CLYBL: variants seen among roughly 807,000 people sequenced by gnomAD.
The protein encoded by CLYBL is citramalyl-CoA lyase.
A neutral mutation model predicts 38.9 loss-of-function variants in CLYBL; 31 were observed. The ratio of observed to expected loss-of-function variants is 0.80; its 90% CI spans 0.60 to 1.08. The LOEUF (loss-of-function observed/expected upper bound fraction) is 1.08. CLYBL is among the 50% of genes least tolerant of loss of function. CLYBL has a pLI of 0.00. For synonymous variants in CLYBL, 171 were observed against 158.6 expected, an observed-to-expected ratio of 1.08 and a Z score of -0.59; for missense variants, 434 against 411.6, an observed-to-expected ratio of 1.05 and a Z score of -0.47.
intron 1 of CLYBL, among the ~76,000 whole-genome samples, chr13:99,629,795 TCC>T (rs1385149157): frequency 6.6e-6 from 1 of 152,192 alleles, no homozygotes. Flanking sequence ...GTCCCTGGGC[TCC>T]TATTGCTCAG....
At chr13:99,622,551 A>T (rs2046813338) in intron 1 of CLYBL, among the ~76,000 whole-genome samples, 1 of 152,186 alleles carries the variant, frequency 6.6e-6, no homozygotes, top group Non-Finnish European at 1.5e-5. Flanking sequence ...GTTTACATGT[A>T]TGGGTGCCCC....
intron 1 of CLYBL, among the ~76,000 whole-genome samples, chr13:99,698,640 A>G (rs773083286): frequency 3.9e-5 from 6 of 152,164 alleles, no homozygotes; most frequent in Non-Finnish European, 7.3e-5. Context: ...TTTTGCTAAC[A>G]TTTTAATCCT....
intron 3 of CLYBL, among the ~76,000 whole-genome samples, chr13:99,860,042 G>A (rs544872434): frequency 1.3e-5 from 2 of 152,090 alleles, no homozygotes; most frequent in African/African-American, 2.4e-5. Context: ...GAATGCACCC[G>A]ATGTGTGAGG....
intron 1 of CLYBL, among the ~76,000 whole-genome samples, chr13:99,727,856 T>A (rs2048506446): frequency 6.6e-6 from 1 of 152,088 alleles, no homozygotes. Flanking sequence ...GGTGGGCGGA[T>A]CACTTGAGGC....
intron 1 of CLYBL, among the ~76,000 whole-genome samples, chr13:99,658,074 A>G (rs1178669520): frequency 6.6e-6 from 1 of 152,186 alleles, no homozygotes; most frequent in African/African-American, 2.4e-5. Context: ...TCTCGGCTGC[A>G]GCAGTGGGGC....
chr13:99,835,774 C>A (rs766808396), intron 2 of CLYBL, among the ~76,000 whole-genome samples: 12 of 152,138 alleles, frequency 7.9e-5, no homozygotes, highest in Non-Finnish European at 1.3e-4. Flanking sequence ...CCTTTTTCCC[C>A]CAGCAAGCCA....
At chr13:99,866,025 A>G (rs1452436115) in intron 5 of CLYBL, among the ~76,000 whole-genome samples, 1 of 152,218 alleles carries the variant, frequency 6.6e-6, no homozygotes, top group African/African-American at 2.4e-5. Flanking sequence ...AAGTAATTCT[A>G]TTGAAAGATG....
At chr13:99,679,275 C>G (rs1372772169) in intron 1 of CLYBL, among the ~76,000 whole-genome samples, 1 of 131,946 alleles carries the variant, frequency 7.6e-6, no homozygotes, top group African/African-American at 2.9e-5. Context: ...GCCTGGGCGA[C>G]AGAGCGAGAC....
chr13:99,745,321 A>T (rs1254525527), intron 1 of CLYBL, among the ~76,000 whole-genome samples: 1 of 152,196 alleles, frequency 6.6e-6, no homozygotes, highest in Admixed American at 6.5e-5. Context: ...TTACTCTCTG[A>T]ATTTGACCAG....
At chr13:99,805,258 A>C (rs1353502367) in intron 2 of CLYBL, among the ~76,000 whole-genome samples, 1 of 152,130 alleles carries the variant, frequency 6.6e-6, no homozygotes, top group Non-Finnish European at 1.5e-5. Context: ...CCCTGCTTTA[A>C]TTCTTTTGGG....
rs1474926263 is a variant in CLYBL, at chr13:99,869,171, AAAATTAGCCTCATTGCCC to A, written c.803-1762_803-1745del. Among the ~76,000 whole-genome samples, 2 of 152,206 alleles carry A rather than the reference AAAATTAGCCTCATTGCCC, an allele frequency of 1.3e-5. No homozygotes were observed. The highest frequency in any genetic ancestry group is 2.9e-5 in the Non-Finnish European group (2 of 68,010). On this transcript the variant is annotated intron_variant, in intron 6 of 8. Transcript: ENST00000339105. This position sits in a 1 kb window ranked among gnomAD's most constrained non-coding sequence, Gnocchi z 4.3. The stretch of plus-strand genomic sequence containing the variant: ...ATTTCTAAAACCTAACATGTATCTT[AAAATTAGCCTCATTGCCC>A]AAATATAGGTACTGGAGGATGGAGA...
chr13:99,607,961 C>G (rs569562328), intron 1 of CLYBL, among the ~76,000 whole-genome samples: 36 of 151,656 alleles, frequency 2.4e-4, no homozygotes, highest in African/African-American at 8.5e-4. Context: ...CCAGGCTGTT[C>G]TCGAACTCCT....
At chr13:99,827,991 C>T (rs550030449) in intron 2 of CLYBL, among the ~76,000 whole-genome samples, 35 of 152,294 alleles carry the variant, frequency 2.3e-4, no homozygotes, top group African/African-American at 3.1e-4. Context: ...CAGAGATTTT[C>T]GTTTCATTTG....
chr13:99,711,283 C>T (rs1446272244), intron 1 of CLYBL, among the ~76,000 whole-genome samples: 1 of 152,030 alleles, frequency 6.6e-6, no homozygotes, highest in Non-Finnish European at 1.5e-5. Flanking sequence ...ACTTGGAGGT[C>T]CAAGATCAGG....
rs1375690112 is a variant in CLYBL at position 99,645,694 on chromosome 13, A to G, written c.62+38937A>G. On this transcript the variant is annotated intron_variant, in intron 1 of 8. Transcript: ENST00000339105. ...TAGATTATTAAATTTTTTTTTTCCTATTGAGTTGTTTGAGCTTCTTATATA... is the reference window on the plus strand; with the variant it reads ...TAGATTATTAAATTTTTTTTTTCCTGTTGAGTTGTTTGAGCTTCTTATATA... Among the ~76,000 whole-genome samples, 2 of 150,776 alleles carry G rather than the reference A, an allele frequency of 1.3e-5. 1 individual carries two copies. The highest frequency in any genetic ancestry group is 1.3e-4 in the Admixed American group (2 of 15,182).
At chr13:99,892,324 G>A (rs2052509966) in intron 8 of CLYBL, 119 bp from the exon 9 acceptor site, 1 of 152,334 alleles carries the variant, frequency 6.6e-6, no homozygotes, top group African/African-American at 2.4e-5. Flanking sequence ...TCAGATGGGT[G>A]GTGTGGTTAA....
At chr13:99,887,247 C>A (rs1415596459) in intron 7 of CLYBL, among the ~76,000 whole-genome samples, 1 of 151,578 alleles carries the variant, frequency 6.6e-6, no homozygotes, top group Non-Finnish European at 1.5e-5. Flanking sequence ...GTCCCCCCCG[C>A]CCATTGTTCT....
chr13:99,784,788 G>A (rs1233432644), intron 2 of CLYBL, among the ~76,000 whole-genome samples: 2 of 152,120 alleles, frequency 1.3e-5, no homozygotes, highest in African/African-American at 4.8e-5. Context: ...GCCCAAAAAT[G>A]CATTAAAAAG....
chr13:99,711,112 A>G (rs2048224398), intron 1 of CLYBL, among the ~76,000 whole-genome samples: 1 of 151,998 alleles, frequency 6.6e-6, no homozygotes, highest in Non-Finnish European at 1.5e-5. Flanking sequence ...TCCTGGCCTC[A>G]AGTGATCTGA....
Sources: allele counts gnomAD v4.1 joint callset (sites outside exome capture counted in the v4.1 genomes callset), GRCh38; gene constraint gnomAD v4.1.1; non-coding constraint Gnocchi (gnomAD v3.1); transcripts MANE v1.5; gene names NCBI Gene and HGNC (gene_info 2026-07-23, HGNC 2026-07-21).